The following ESRP1 variants were observed in gnomAD, a reference collection of about 807,000 sequenced individuals.
ESRP1 encodes the protein RNA-binding motif protein 35A.
In ESRP1, 33 loss-of-function variants were observed where a neutral mutation model predicts 81.7. The ratio of observed to expected loss-of-function variants is 0.40; its 90% CI spans 0.31 to 0.54. ESRP1 has a LOEUF of 0.54. ESRP1 is among the 20% of genes least tolerant of loss of function. The pLI is 0.41. For synonymous variants in ESRP1, 320 were observed against 303.3 expected (o/e 1.06, Z -0.57); for missense variants, 672 against 833.1 (o/e 0.81, Z 2.38).
At chr8:94,650,050 T>C (rs1276449734) in intron 4 of ESRP1, among the ~76,000 whole-genome samples, 1 of 152,110 alleles carries the variant, frequency 6.6e-6, no homozygotes, top group Non-Finnish European at 1.5e-5. Flanking sequence ...CCCCTCACTG[T>C]GAAAGTGCTG....
chr8:94,698,159 T>C (rs764556828), intron 15 of ESRP1, among the ~76,000 whole-genome samples: 1 of 152,214 alleles, frequency 6.6e-6, no homozygotes, highest in Non-Finnish European at 1.5e-5. Flanking sequence ...TAGCATTAAG[T>C]GTACATTCAC....
chr8:94,697,369 C>T (rs1809645451), intron 15 of ESRP1, among the ~76,000 whole-genome samples: 2 of 152,236 alleles, frequency 1.3e-5, no homozygotes, highest in East Asian at 1.9e-4. Context: ...AGTTCTAAAA[C>T]ATTTTTGTCA....
intron 6 of ESRP1, among the ~76,000 whole-genome samples, chr8:94,664,431 G>A (rs562847989): frequency 6.6e-6 from 1 of 152,106 alleles, no homozygotes; most frequent in Non-Finnish European, 1.5e-5. Flanking sequence ...GCCTTCCTCA[G>A]CTTTGATAGA....
At chr8:94,691,875 ATGAAT>A (rs1464965010) in intron 13 of ESRP1, among the ~76,000 whole-genome samples, 3 of 152,182 alleles carry the variant, frequency 2.0e-5, no homozygotes, top group Non-Finnish European at 2.9e-5. Context: ...ATTATGTAAA[ATGAAT>A]TGTGTAATAA....
At chr8:94,684,954 G>T (rs1809077603) in intron 13 of ESRP1, among the ~76,000 whole-genome samples, 1 of 151,722 alleles carries the variant, frequency 6.6e-6, no homozygotes, top group Non-Finnish European at 1.5e-5. Flanking sequence ...GCTTGAGCCT[G>T]GAGATTGAAG....
In ESRP1 at chr8:94,678,228, T is replaced by G. The variant is rs556237996; in HGVS notation, c.1677T>G (p.Phe559Leu). 8.0e-5 allele frequency: 129 copies of G among 1,614,032 alleles called. 2 individuals carry two copies. The South Asian group carries it at 1.3e-3, about 17-fold the overall frequency. Residue 559 changes from phenylalanine (F) to leucine (L), a missense_variant, in exon 13 of 16, where the codon TTT becomes TTG. By Grantham distance (22) the Phe-to-Leu change is conservative. Coordinates refer to ENST00000433389, the MANE Select transcript of ESRP1 (RefSeq NM_017697.4). ...LPCLSPPSYT[F>L]PAPAAVIPTE... ...GCCTGTCTCCTCCCTCCTACACATT[T>G]CCAGCTCCTGCTGCAGTTATTCCTA... is the stretch of plus-strand genomic sequence containing the variant.
rs761256152 is a variant in ESRP1, at chr8:94,664,687, T to A, written c.645-10T>A. ...TTATCATGCAACCTGAAGTTTTGCT[T>A]CATCCACAGCAGCAAGATGGAACTT... On this transcript the variant is annotated splice_polypyrimidine_tract_variant and intron_variant, in intron 6 of 15. Coordinates refer to ENST00000433389, the MANE Select transcript of ESRP1 (RefSeq NM_017697.4). The A allele has an allele frequency of 5.6e-6, 9 of 1,607,998 alleles. No individual in the cohort carries two copies. Among genetic ancestry groups the A allele is most frequent in the Non-Finnish European group, 6.8e-6 (8 of 1,174,734 alleles).
intron 14 of ESRP1, among the ~76,000 whole-genome samples, chr8:94,696,072 A>C (rs965594088): frequency 6.6e-6 from 1 of 152,196 alleles, no homozygotes; most frequent in Non-Finnish European, 1.5e-5. Flanking sequence ...CAAAACAAAC[A>C]AACAAAAAAC....
At chr8:94,651,591 A>C (rs1417963856) in intron 4 of ESRP1, among the ~76,000 whole-genome samples, 3 of 151,716 alleles carry the variant, frequency 2.0e-5, no homozygotes, top group Non-Finnish European at 4.4e-5. Context: ...AAGTAGGACC[A>C]TTTTGATGAC....
At chr8:94,700,979 G>GTGTGTA (rs1563552494) in intron 15 of ESRP1, among the ~76,000 whole-genome samples, 2,744 of 132,690 alleles carry the variant, frequency 0.021, 81 homozygotes, top group African/African-American at 0.077. Context: ...GTGTGTGTGT[G>GTGTGTA]TGTGTTAAGA....
chr8:94,689,983 A>T (rs1278585318), intron 13 of ESRP1, among the ~76,000 whole-genome samples: 1 of 151,212 alleles, frequency 6.6e-6, no homozygotes, highest in Non-Finnish European at 1.5e-5. Flanking sequence ...TGCTCGGCTA[A>T]TTTTTTTGTA....
At chr8:94,682,353 A>G (rs1808922486) in intron 13 of ESRP1, among the ~76,000 whole-genome samples, 1 of 152,002 alleles carries the variant, frequency 6.6e-6, no homozygotes, top group South Asian at 2.1e-4. Context: ...TATAAATTAC[A>G]AGTAACATCA....
At chr8:94,689,109 G>C (rs557226642) in intron 13 of ESRP1, among the ~76,000 whole-genome samples, 7 of 152,182 alleles carry the variant, frequency 4.6e-5, no homozygotes, top group African/African-American at 1.7e-4. Flanking sequence ...AAATTAGCCA[G>C]ATGTGTTGGC....
At chr8:94,649,964 G>T (rs1356681881) in intron 4 of ESRP1, among the ~76,000 whole-genome samples, 2 of 152,164 alleles carry the variant, frequency 1.3e-5, no homozygotes, top group South Asian at 2.1e-4. Flanking sequence ...AAAGTATATT[G>T]TTCCTATAGA....
intron 1 of ESRP1, 172 bp from the exon 2 acceptor site, chr8:94,641,784 G>A: frequency 2.1e-6 from 2 of 930,356 alleles, no homozygotes. Context: ...TCGGGTGGGG[G>A]GTGGGGCGGG....
intron 4 of ESRP1, among the ~76,000 whole-genome samples, chr8:94,660,709 C>CAAAAAAAAAAAAAAAAAAAAAAAAAGAAA (rs1818683007): frequency 2.3e-5 from 1 of 43,532 alleles, no homozygotes; most frequent in Non-Finnish European, 3.8e-5. Context: ...GAGACTATCT[C>CAAAAAAAAAAAAAAAAAAAAAAAAAGAAA]AAAAAAAAAA....
At chr8:94,690,012 G>C (rs1313415800) in intron 13 of ESRP1, among the ~76,000 whole-genome samples, 1 of 151,532 alleles carries the variant, frequency 6.6e-6, no homozygotes, top group Non-Finnish European at 1.5e-5. Flanking sequence ...TAGAGATGGG[G>C]TTTCACCGTG....
chr8:94,674,296 C>T lies in ESRP1; in HGVS notation c.1453-12C>T, dbSNP rs1401400160. On this transcript the variant is annotated splice_polypyrimidine_tract_variant and intron_variant, in intron 11 of 15. Coordinates refer to ENST00000433389, the MANE Select transcript of ESRP1 (RefSeq NM_017697.4). ...GTCTCCTTTTGTTTTTATTCTTCCC[C>T]CACACACTCAGGGCCGCCCATCAGG... 1 of 1,609,896 alleles carries T rather than the reference C, an allele frequency of 6.2e-7. No homozygotes were observed. Among genetic ancestry groups the T allele is most frequent in the Non-Finnish European group, 8.5e-7 (1 of 1,179,038 alleles).
chr8:94,680,975 G>A (rs1285532152), intron 13 of ESRP1, among the ~76,000 whole-genome samples: 1 of 151,758 alleles, frequency 6.6e-6, no homozygotes, highest in Non-Finnish European at 1.5e-5. Flanking sequence ...GGCAAAGGTG[G>A]GAGGATCACT....
Sources: gnomAD v4.1 joint callset for allele counts (sites outside exome capture counted in the v4.1 genomes callset) on GRCh38, gnomAD v4.1.1 for gene constraint, MANE v1.5 for transcripts, NCBI Gene and HGNC (gene_info 2026-07-23, HGNC 2026-07-21) for gene names.